Variants in GVQW3 observed in about 807,000 individuals in gnomAD.
GVQW3 encodes protein GVQW3.
GVQW3 carries 7 observed loss-of-function variants against 12.5 expected under a neutral mutation model. The observed-to-expected ratio is 0.56, with a 90% CI of 0.32 to 1.05. The LOEUF is 1.05. Among genes scored for constraint, GVQW3 ranks in the 50% least tolerant of loss-of-function variants. The pLI, the probability that GVQW3 is intolerant of heterozygous loss-of-function variation, is 0.04. For synonymous variants in GVQW3, 71 were observed against 67.2 expected, an observed-to-expected ratio of 1.06 and a Z score of -0.28; for missense variants, 188 against 190.8, an observed-to-expected ratio of 0.99 and a Z score of 0.09.
chr11:76,403,450 G>A (rs962228322), intron 1 of GVQW3, among the ~76,000 whole-genome samples: 6 of 152,166 alleles, frequency 3.9e-5, no homozygotes, highest in African/African-American at 1.4e-4. Context: ...GAAGACCTGA[G>A]AACTAGAGTT....
chr11:76,403,951 A>C lies in GVQW3; in HGVS notation c.*193A>C. On this transcript the variant is annotated 3_prime_UTR_variant, in exon 2 of 2. Coordinates refer to ENST00000529331, the MANE Select transcript of GVQW3 (RefSeq NM_001347885.2). Reference sequence around the variant, plus strand: ...TCAATGAATTGGATGATGTCCATGCACATTAGGGAGGGCTGCCTCTTCATT... The same window carrying C: ...TCAATGAATTGGATGATGTCCATGCCCATTAGGGAGGGCTGCCTCTTCATT... 1 of 698,708 alleles carries C rather than the reference A, an allele frequency of 1.4e-6. No homozygotes were observed. Among genetic ancestry groups the C allele is most frequent in the Non-Finnish European group, 2.6e-6 (1 of 382,166 alleles). The allele number at this position is 698,708 out of a possible 1,614,324, so 43.3% of individuals were successfully genotyped here.
In GVQW3 at chr11:76,404,473, G is replaced by C. The variant is rs922104503; in HGVS notation, c.*715G>C. On this transcript the variant is annotated 3_prime_UTR_variant, in exon 2 of 2. Coordinates refer to ENST00000529331, the MANE Select transcript of GVQW3 (RefSeq NM_001347885.2). ...TTGCTGGAGCAAATATTCTGAAAAA[G>C]ATTCCTCCTGTTTCCTATGGGAGTA... 1.3e-5 allele frequency: 2 copies of C among 152,766 alleles called. No homozygotes were observed. Among genetic ancestry groups the C allele is most frequent in the Admixed American group, 6.5e-5 (1 of 15,286 alleles). The allele number at this position is 152,766 out of a possible 1,614,324, so 9.5% of individuals were successfully genotyped here.
rs539190819 is a variant in GVQW3 at position 76,381,576 on chromosome 11, G to A, written c.-253G>A. The A allele has an allele frequency of 4.6e-6, 2 of 432,238 alleles. No homozygotes were observed. Among genetic ancestry groups the A allele is most frequent in the East Asian group, 7.6e-5 (2 of 26,264 alleles). The allele number at this position is 432,238 out of a possible 1,614,324, so 26.8% of individuals were successfully genotyped here. ...GCAGATGTGCGTGCACTGGTTTGAT[G>A]CAGACGTGGTTGTAGGCGATTTAAT... is the stretch of plus-strand genomic sequence containing the variant. On this transcript the variant is annotated 5_prime_UTR_variant, in exon 1 of 2. It removes an upstream start codon present in the reference 5' UTR. Transcript: ENST00000529331.
downstream of GVQW3, among the ~76,000 whole-genome samples, chr11:76,409,157 T>C (rs1947065915): frequency 6.6e-6 from 1 of 152,128 alleles, no homozygotes; most frequent in Admixed American, 6.5e-5. Flanking sequence ...CCTCCTGTTG[T>C]TTATTTATTT....
rs1228488722 is a variant in GVQW3 at position 76,406,173 on chromosome 11, CTG to C, written c.*2417_*2418del. 1 of 152,134 alleles carries C rather than the reference CTG, an allele frequency of 6.6e-6. No individual in the cohort carries two copies. The highest frequency in any genetic ancestry group is 1.5e-5 in the Non-Finnish European group (1 of 68,122). The allele number at this position is 152,134 out of a possible 1,614,324, so 9.4% of individuals were successfully genotyped here. ...TTTTTTGTAGAGTCAGGGTTTCACC[CTG>C]TTGCCCACTCTGGTCTCAAACTCCT... On this transcript the variant is annotated 3_prime_UTR_variant, in exon 2 of 2. Transcript: ENST00000529331.
intron 1 of GVQW3, among the ~76,000 whole-genome samples, chr11:76,386,112 C>T (rs1282644716): frequency 6.6e-6 from 1 of 152,170 alleles, no homozygotes; most frequent in Non-Finnish European, 1.5e-5. Flanking sequence ...CCCGCCCCCA[C>T]GCTCATTCTA....
downstream of GVQW3, among the ~76,000 whole-genome samples, chr11:76,410,585 GTCTC>G (rs961878762): frequency 6.6e-6 from 1 of 152,196 alleles, no homozygotes; most frequent in Non-Finnish European, 1.5e-5. Context: ...AAGTGAATCA[GTCTC>G]TGATAACAGT....
At chr11:76,396,557 A>G (rs1946941232) in intron 1 of GVQW3, among the ~76,000 whole-genome samples, 1 of 152,106 alleles carries the variant, frequency 6.6e-6, no homozygotes, top group African/African-American at 2.4e-5. Flanking sequence ...CCAAGCAGTC[A>G]TCCCACCTTG....
exon 2 of GVQW3, chr11:76,414,097 C>T (rs1947099431): frequency 6.6e-6 from 1 of 152,146 alleles, no homozygotes; most frequent in Non-Finnish European, 1.5e-5. Flanking sequence ...TTATTTCTAC[C>T]ATTGTCTTCT....
At position 76,403,737 on chromosome 11, in the gene GVQW3, A is replaced by G. The variant is rs770037843; in HGVS notation, c.543A>G (p.Lys181=). 97 of 494,580 alleles carry G rather than the reference A, an allele frequency of 2.0e-4. No individual in the cohort carries two copies. The highest frequency in any genetic ancestry group is 2.9e-5 in the Non-Finnish European group (8 of 274,080). 30.6% of individuals were successfully genotyped at this position (494,580 alleles called of 1,614,324 possible). The change falls in exon 2 of 2, where the codon AAA becomes AAG. Residue 181 remains lysine, a synonymous_variant. Transcript: ENST00000529331. The stretch of plus-strand genomic sequence containing the variant: ...GGATCCTCCCACCTTGGCCTCCCAA[A>G]GCTCTGGGATTATCAGCATGAGCCA... ...SQGILPPWPP[K]ALGLSA is the part of the protein sequence containing the mutation.
intron 1 of GVQW3, among the ~76,000 whole-genome samples, chr11:76,396,299 ATTATTATTATT>A (rs1461192341): frequency 2.0e-5 from 3 of 151,384 alleles, no homozygotes; most frequent in African/African-American, 4.8e-5. Flanking sequence ...TGCTATTATT[ATTATTATTATT>A]TTATTATTAT....
At chr11:76,397,002 C>CT (rs11401694) in intron 1 of GVQW3, among the ~76,000 whole-genome samples, 38,689 of 110,802 alleles carry the variant, frequency 0.35, 8,147 homozygotes, top group Non-Finnish European at 0.4. Context: ...TCATTTATTC[C>CT]TTTTTTTTTT....
rs1167178193 is a variant in GVQW3, at chr11:76,406,823, A to G, written c.*3065A>G. ...GGAGATCGAGACCAACCTGGCTAAC[A>G]CAGTGAAACCCCGTCTCTACCAAAA... is the stretch of plus-strand genomic sequence containing the variant. On this transcript the variant is annotated 3_prime_UTR_variant, in exon 2 of 2. Transcript: ENST00000529331. The G allele has an allele frequency of 6.6e-6, 1 of 152,200 alleles. No homozygotes were observed. The highest frequency in any genetic ancestry group is 1.5e-5 in the Non-Finnish European group (1 of 68,058). The allele number at this position is 152,200 out of a possible 1,614,324, so 9.4% of individuals were successfully genotyped here. A position where few individuals can be genotyped will look rare whatever the true frequency, so the allele number is the denominator to read the frequency against.
chr11:76,402,097 T>TGCAGTGAAACCCTAGCCCACA (rs1273721326), intron 1 of GVQW3, among the ~76,000 whole-genome samples: 1 of 152,182 alleles, frequency 6.6e-6, no homozygotes, highest in Admixed American at 6.5e-5. Flanking sequence ...CTCCTTAGTG[T>TGCAGTGAAACCCTAGCCCACA]GCAGTGAAAC....
intron 1 of GVQW3, among the ~76,000 whole-genome samples, chr11:76,391,361 C>G (rs1192839710): frequency 6.6e-6 from 1 of 152,152 alleles, no homozygotes; most frequent in African/African-American, 2.4e-5. Context: ...ACTAGAAGAC[C>G]GAAACGGCTG....
chr11:76,397,002 CT>C (rs11401694), intron 1 of GVQW3, among the ~76,000 whole-genome samples: 3,639 of 110,768 alleles, frequency 0.033, 35 homozygotes, highest in African/African-American at 0.076. Flanking sequence ...TCATTTATTC[CT>C]TTTTTTTTTT....
Position 76,407,156 on chromosome 11 carries a change from G to C in GVQW3, c.*3398G>C, listed in dbSNP as rs1321924110. The stretch of plus-strand genomic sequence containing the variant: ...TTAACTTGTGAGACATTATGAAAAG[G>C]ATGCTGGACTTGGTAAAGATACAAA... On this transcript the variant is annotated 3_prime_UTR_variant, in exon 2 of 2. Coordinates refer to ENST00000529331, the MANE Select transcript of GVQW3 (RefSeq NM_001347885.2). The C allele has an allele frequency of 6.6e-6, 1 of 152,162 alleles. No homozygotes were observed. The highest frequency in any genetic ancestry group is 1.5e-5 in the Non-Finnish European group (1 of 68,042). 9.4% of individuals were successfully genotyped at this position (152,162 alleles called of 1,614,324 possible). A position where few individuals can be genotyped will look rare whatever the true frequency, so the allele number is the denominator to read the frequency against.
At chr11:76,412,355 C>T (rs1947085120), downstream of GVQW3, 1 of 152,172 alleles carries the variant, frequency 6.6e-6, no homozygotes, top group Non-Finnish European at 1.5e-5. Flanking sequence ...AAAGGTTCAT[C>T]AACGAAGTGG....
At chr11:76,410,671 G>A (rs1041342672), downstream of GVQW3, among the ~76,000 whole-genome samples, 1 of 152,150 alleles carries the variant, frequency 6.6e-6, no homozygotes, top group African/African-American at 2.4e-5. Context: ...TCCAGGTGTC[G>A]ATTCCAGGAG....
Sources: gnomAD v4.1 joint callset for allele counts (sites outside exome capture counted in the v4.1 genomes callset) on GRCh38, gnomAD v4.1.1 for gene constraint, MANE v1.5 for transcripts, NCBI Gene and HGNC (gene_info 2026-07-23, HGNC 2026-07-21) for gene names.